The following RABGAP1L variants were observed in gnomAD, a reference collection of about 807,000 sequenced individuals.
The protein encoded by RABGAP1L is rab GTPase-activating protein 1-like.
In RABGAP1L, 63 loss-of-function variants were observed where a neutral mutation model predicts 137.7. That is an observed-to-expected ratio of 0.46 (90% CI 0.37 to 0.56). The LOEUF (loss-of-function observed/expected upper bound fraction) is 0.56, where lower values mean the gene tolerates loss of function less well. Among genes scored for constraint, RABGAP1L ranks in the 20% least tolerant of loss-of-function variants. The probability of loss-of-function intolerance (pLI) is 0.00; values close to 1 mark genes in which losing one functional copy is unlikely to be tolerated. For missense variants in RABGAP1L, 1,095 were observed against 1,244.0 expected, an observed-to-expected ratio of 0.88 and a Z score of 1.80; for synonymous variants, 431 against 433.7, an observed-to-expected ratio of 0.99 and a Z score of 0.08.
intron 13 of RABGAP1L, among the ~76,000 whole-genome samples, chr1:174,547,289 T>A (rs1289516024): frequency 6.6e-6 from 1 of 151,992 alleles, no homozygotes; most frequent in Non-Finnish European, 1.5e-5. Context: ...AATGTGAGCG[T>A]TGATTATTTT....
At chr1:174,597,023 G>T (rs1669994477) in intron 13 of RABGAP1L, among the ~76,000 whole-genome samples, 1 of 152,122 alleles carries the variant, frequency 6.6e-6, no homozygotes. Flanking sequence ...TATATTGATT[G>T]ATTTGCATAT....
intron 10 of RABGAP1L, 104 bp from the exon 11 acceptor site, chr1:174,304,882 C>T (rs777020433): frequency 2.0e-5 from 21 of 1,061,006 alleles, no homozygotes; most frequent in Middle Eastern, 5.6e-4. Flanking sequence ...AAACACAACA[C>T]GCCATTCTTC....
At chr1:174,299,290 C>T (rs1042499680) in intron 10 of RABGAP1L, among the ~76,000 whole-genome samples, 1 of 152,110 alleles carries the variant, frequency 6.6e-6, no homozygotes, top group Non-Finnish European at 1.5e-5. Flanking sequence ...TCTTAGGGTC[C>T]CAAGATAAAC....
At chr1:174,910,761 C>T (rs554378216) in intron 19 of RABGAP1L, among the ~76,000 whole-genome samples, 20 of 152,250 alleles carry the variant, frequency 1.3e-4, no homozygotes, top group African/African-American at 4.1e-4. Context: ...AAGTCAGAGA[C>T]GATCTGTGCA....
intron 11 of RABGAP1L, among the ~76,000 whole-genome samples, chr1:174,353,162 C>T (rs1357471771): frequency 1.3e-5 from 2 of 152,178 alleles, no homozygotes; most frequent in African/African-American, 4.8e-5. Context: ...TCCCTTTTCC[C>T]TTTTGACCTA....
At chr1:174,717,768 A>G (rs1241431609) in intron 17 of RABGAP1L, among the ~76,000 whole-genome samples, 2 of 152,224 alleles carry the variant, frequency 1.3e-5, no homozygotes, top group East Asian at 1.9e-4. Flanking sequence ...GGTGAACCGC[A>G]TGATAACTTT....
chr1:174,923,611 G>C (rs866874862), intron 19 of RABGAP1L, among the ~76,000 whole-genome samples: 2 of 152,078 alleles, frequency 1.3e-5, no homozygotes, highest in Non-Finnish European at 1.5e-5. Context: ...GACCAAGTAC[G>C]GAGGCTTATG....
At chr1:174,272,275 TG>T in intron 7 of RABGAP1L, 138 bp from the exon 8 acceptor site, 1 of 712,414 alleles carries the variant, frequency 1.4e-6, no homozygotes, top group Non-Finnish European at 2.1e-6. Flanking sequence ...TACTTATTTC[TG>T]GTGTTTTTAG....
chr1:174,328,835 G>C (rs1307018923), intron 11 of RABGAP1L, among the ~76,000 whole-genome samples: 1 of 152,036 alleles, frequency 6.6e-6, no homozygotes, highest in East Asian at 1.9e-4. Flanking sequence ...TACCAAAATA[G>C]CAAAAGCAGT....
At chr1:174,598,776 TA>T (rs990607284) in intron 13 of RABGAP1L, among the ~76,000 whole-genome samples, 19 of 152,286 alleles carry the variant, frequency 1.2e-4, no homozygotes, top group African/African-American at 4.6e-4. Flanking sequence ...CCTTTATTTT[TA>T]GTCTATGTGT....
At chr1:174,820,182 T>A (rs1159295227) in intron 19 of RABGAP1L, among the ~76,000 whole-genome samples, 1 of 152,162 alleles carries the variant, frequency 6.6e-6, no homozygotes, top group Non-Finnish European at 1.5e-5. Context: ...AGTCCAAATG[T>A]ATATATGAAG....
chr1:174,521,687 T>C (rs1262161940), intron 13 of RABGAP1L, among the ~76,000 whole-genome samples: 1 of 152,212 alleles, frequency 6.6e-6, no homozygotes, highest in Non-Finnish European at 1.5e-5. Context: ...GGAATCTCAA[T>C]TATAAGTTTG....
Position 174,330,760 on chromosome 1 carries a change from C to G in RABGAP1L, c.1465+25633C>G, listed in dbSNP as rs1680963517. Among the ~76,000 whole-genome samples, 3 of 152,104 alleles carry G rather than the reference C, an allele frequency of 2.0e-5. No homozygotes were observed. In the South Asian group the frequency reaches 6.2e-4, roughly 32 times the overall value. On this transcript the variant is annotated intron_variant, in intron 11 of 25. Transcript: ENST00000681986. ...AATTAATATTTTTAAAATGTCTATACTACCCAAAGCAATCTACAGATTCAG... is the reference window on the plus strand; with the variant it reads ...AATTAATATTTTTAAAATGTCTATAGTACCCAAAGCAATCTACAGATTCAG...
At chr1:174,841,159 A>C (rs564477007) in intron 19 of RABGAP1L, among the ~76,000 whole-genome samples, 1 of 152,194 alleles carries the variant, frequency 6.6e-6, no homozygotes, top group South Asian at 2.1e-4. Flanking sequence ...AATGAAGTCA[A>C]TATTTGAGAT....
intron 13 of RABGAP1L, among the ~76,000 whole-genome samples, chr1:174,562,568 C>T (rs561929722): frequency 5.3e-5 from 8 of 152,082 alleles, no homozygotes; most frequent in African/African-American, 9.7e-5. Context: ...ATGTTTATTG[C>T]GGCACTATTC....
At chr1:174,489,628 T>C (rs1660025711) in intron 13 of RABGAP1L, among the ~76,000 whole-genome samples, 1 of 152,146 alleles carries the variant, frequency 6.6e-6, no homozygotes, top group East Asian at 1.9e-4. Context: ...TGGCGATTCC[T>C]CAAGGATCTA....
intron 13 of RABGAP1L, among the ~76,000 whole-genome samples, chr1:174,425,443 A>G (rs756142139): frequency 1.3e-5 from 2 of 152,090 alleles, no homozygotes; most frequent in African/African-American, 2.4e-5. Context: ...TAAGTGGACT[A>G]GAACTTTCCT....
At chr1:174,893,135 T>A in intron 19 of RABGAP1L, 1 of 314,674 alleles carries the variant, frequency 3.2e-6, no homozygotes, top group Non-Finnish European at 6.5e-6. Context: ...TGTGCGGCCC[T>A]GTGTGCATAC....
intron 19 of RABGAP1L, among the ~76,000 whole-genome samples, chr1:174,825,281 T>C (rs1264852447): frequency 2.0e-5 from 3 of 152,218 alleles, no homozygotes; most frequent in African/African-American, 7.2e-5. Flanking sequence ...GATAGTAGTT[T>C]AGGCTAGGAG....
Sources: allele counts gnomAD v4.1 joint callset (sites outside exome capture counted in the v4.1 genomes callset), GRCh38; gene constraint gnomAD v4.1.1; transcripts MANE v1.5; gene names NCBI Gene and HGNC (gene_info 2026-07-23, HGNC 2026-07-21).